ADAM12: variants seen among roughly 807,000 people sequenced by gnomAD.
ADAM12 encodes the protein ADAM metallopeptidase domain 12.
A neutral mutation model predicts 106.4 loss-of-function variants in ADAM12; 70 were observed. The ratio of observed to expected loss-of-function variants is 0.66; its 90% CI spans 0.54 to 0.80. The LOEUF is 0.80. ADAM12 is among the 30% of genes least tolerant of loss of function. The pLI is 0.00. For synonymous variants in ADAM12, 420 were observed against 433.5 expected, an observed-to-expected ratio of 0.97 and a Z score of 0.39; for missense variants, 1,010 against 1,171.9, an observed-to-expected ratio of 0.86 and a Z score of 2.02.
At position 126,086,672 on chromosome 10, in the gene ADAM12, AAAAAAAAAATATATATAT is replaced by A. The variant is rs1367586583; in HGVS notation, c.1145+7295_1145+7312del. ...GCCTCAAAAAAAAAAAAAAAAAAAA[AAAAAAAAAATATATATAT>A]ATATATATATATATATAAAATAAAA... On this transcript the variant is annotated intron_variant, in intron 11 of 22. Transcript: ENST00000448723. 7.1e-4 allele frequency among the ~76,000 whole-genome samples: 27 copies of A among 38,014 alleles called. 1 individual carries two copies. Among genetic ancestry groups the A allele is most frequent in the African/African-American group, 6.5e-3 (26 of 3,978 alleles). The allele number at this position is 38,014 out of a possible 152,430, so 24.9% of individuals were successfully genotyped here.
chr10:126,076,605 C>T (rs6597734), intron 11 of ADAM12, among the ~76,000 whole-genome samples: 46,291 of 151,978 alleles, frequency 0.3, 7,221 homozygotes, highest in South Asian at 0.42. Flanking sequence ...TTTGCATTTC[C>T]CTGATGATTA....
rs1400748189 is a variant in ADAM12 at position 126,012,732 on chromosome 10, A to G, written c.*4547T>C. 2 of 152,202 alleles carry G rather than the reference A, an allele frequency of 1.3e-5. No homozygotes were observed. The highest frequency in any genetic ancestry group is 2.9e-5 in the Non-Finnish European group (2 of 68,044). The allele number at this position is 152,202 out of a possible 1,614,324, so 9.4% of individuals were successfully genotyped here. On this transcript the variant is annotated 3_prime_UTR_variant, in exon 23 of 23. Coordinates refer to ENST00000448723, the MANE Select transcript of ADAM12 (RefSeq NM_001288973.2). The stretch of plus-strand genomic sequence containing the variant: ...TTTGACCTGATGGGAGGGACAGGAG[A>G]ATGAGTCACTCTGCCACCACTTTTC...
At chr10:126,386,720 C>A (rs575820541) in intron 1 of ADAM12, among the ~76,000 whole-genome samples, 1 of 152,268 alleles carries the variant, frequency 6.6e-6, no homozygotes, top group African/African-American at 2.4e-5. Flanking sequence ...TTTATGTGTA[C>A]AAAGCACGTG....
intron 2 of ADAM12, among the ~76,000 whole-genome samples, chr10:126,298,347 G>T (rs1304145819): frequency 1.3e-5 from 2 of 152,188 alleles, no homozygotes; most frequent in Non-Finnish European, 2.9e-5. Context: ...AGAAAAGTCA[G>T]CAGAGAACTA....
chr10:126,125,023 A>T (rs898042567), intron 5 of ADAM12, among the ~76,000 whole-genome samples: 1 of 151,802 alleles, frequency 6.6e-6, no homozygotes, highest in African/African-American at 2.4e-5. Context: ...TTTCAGTGTT[A>T]TGGAAAAATA....
intron 3 of ADAM12, among the ~76,000 whole-genome samples, chr10:126,200,789 A>C (rs906605502): frequency 5.5e-5 from 8 of 145,876 alleles, no homozygotes; most frequent in Non-Finnish European, 1.0e-4. Flanking sequence ...AAGACTCTAG[A>C]GAAAGAGCCC....
At chr10:126,102,960 C>T (rs927776257) in intron 8 of ADAM12, among the ~76,000 whole-genome samples, 2 of 152,172 alleles carry the variant, frequency 1.3e-5, no homozygotes, top group African/African-American at 2.4e-5. Context: ...CTGATGCTCA[C>T]ACCAGCTTGC....
At chr10:126,192,355 A>G (rs1957518938) in intron 3 of ADAM12, among the ~76,000 whole-genome samples, 1 of 152,238 alleles carries the variant, frequency 6.6e-6, no homozygotes, top group Admixed American at 6.5e-5. Flanking sequence ...ACTAACAACA[A>G]ACATACATTG....
intron 14 of ADAM12, among the ~76,000 whole-genome samples, chr10:126,061,684 T>C (rs1324922692): frequency 6.6e-6 from 1 of 152,054 alleles, no homozygotes; most frequent in Admixed American, 6.5e-5. Flanking sequence ...GCAGATGCTG[T>C]GCTGTTGGCC....
intron 6 of ADAM12, among the ~76,000 whole-genome samples, chr10:126,110,544 C>T (rs903921510): frequency 6.6e-6 from 1 of 151,868 alleles, no homozygotes; most frequent in African/African-American, 2.4e-5. Flanking sequence ...ACTAAGACTG[C>T]AATATGCCCC....
intron 21 of ADAM12, among the ~76,000 whole-genome samples, chr10:126,025,453 CTA>C (rs1042597143): frequency 7.2e-6 from 1 of 139,550 alleles, no homozygotes; most frequent in African/African-American, 2.6e-5. Context: ...AGCTTGAAGA[CTA>C]TCCTGAAATA....
chr10:126,095,520 C>G (rs1457946211), intron 10 of ADAM12, among the ~76,000 whole-genome samples: 1 of 109,638 alleles, frequency 9.1e-6, no homozygotes, highest in Middle Eastern at 0.01. Flanking sequence ...GGTGACAGAG[C>G]GAGACTCTGT....
At chr10:126,324,446 C>T (rs1307164170) in intron 2 of ADAM12, among the ~76,000 whole-genome samples, 1 of 152,170 alleles carries the variant, frequency 6.6e-6, no homozygotes, top group African/African-American at 2.4e-5. Flanking sequence ...GCCCAGGCTA[C>T]CCAGTCCCAT....
At chr10:126,286,650 T>A (rs576927551) in intron 2 of ADAM12, among the ~76,000 whole-genome samples, 1 of 152,272 alleles carries the variant, frequency 6.6e-6, no homozygotes, top group African/African-American at 2.4e-5. Context: ...CTGGAAGATA[T>A]GCGCACTGTG....
intron 16 of ADAM12, among the ~76,000 whole-genome samples, chr10:126,046,783 CAGAG>C (rs1354301318): frequency 4.4e-4 from 49 of 112,004 alleles, no homozygotes; most frequent in Non-Finnish European, 6.6e-4. Flanking sequence ...AGTCTGGCGA[CAGAG>C]AGAGATTCCG....
intron 20 of ADAM12, among the ~76,000 whole-genome samples, chr10:126,036,735 A>C (rs990994272): frequency 3.9e-5 from 6 of 152,192 alleles, no homozygotes; most frequent in African/African-American, 1.4e-4. Flanking sequence ...CACTGGGGAA[A>C]GGAGAGTTGC....
At chr10:126,240,624 C>A (rs1469359463) in intron 3 of ADAM12, among the ~76,000 whole-genome samples, 1 of 152,228 alleles carries the variant, frequency 6.6e-6, no homozygotes, top group African/African-American at 2.4e-5. Flanking sequence ...AAGGAGCTAC[C>A]AGGCAGGCTG....
At chr10:126,059,718 G>C (rs1954711271) in intron 14 of ADAM12, among the ~76,000 whole-genome samples, 1 of 152,164 alleles carries the variant, frequency 6.6e-6, no homozygotes, top group Non-Finnish European at 1.5e-5. Flanking sequence ...TGATAAAATA[G>C]AAAAAACTAA....
At chr10:126,271,474 T>TG (rs1397300508) in intron 3 of ADAM12, among the ~76,000 whole-genome samples, 1 of 152,266 alleles carries the variant, frequency 6.6e-6, no homozygotes, top group Non-Finnish European at 1.5e-5. Context: ...GGCAGCCAGA[T>TG]GGACTTTAAA....
Sources: allele counts gnomAD v4.1 joint callset (sites outside exome capture counted in the v4.1 genomes callset), GRCh38; gene constraint gnomAD v4.1.1; transcripts MANE v1.5; gene names NCBI Gene and HGNC (gene_info 2026-07-23, HGNC 2026-07-21).